The following PDE4D variants were observed in gnomAD, a reference collection of about 807,000 sequenced individuals.
PDE4D encodes the protein 3',5'-cyclic-AMP phosphodiesterase 4D.
In PDE4D, 24 loss-of-function variants were observed where a neutral mutation model predicts 87.4. That is an observed-to-expected ratio of 0.27 (90% CI 0.20 to 0.39). The LOEUF is 0.39. PDE4D is among the 10% of genes least tolerant of loss of function. The pLI is 1.00. For missense variants in PDE4D, 714 were observed against 1,041.0 expected (o/e 0.69, Z 4.32); for synonymous variants, 384 against 383.2 (o/e 1.00, Z -0.02).
At chr5:60,420,200 C>T (rs997004847) in intron 1 of PDE4D, among the ~76,000 whole-genome samples, 2 of 152,208 alleles carry the variant, frequency 1.3e-5, no homozygotes, top group African/African-American at 4.8e-5. Flanking sequence ...ATAAATACTA[C>T]TTTGACACCC....
rs532294431 is a variant in PDE4D at position 59,260,788 on chromosome 5, G to A, written c.456-44820C>T. Reference sequence around the variant, plus strand: ...GACCAAGCATATAAAGCTAAGAGAAGGGAGAGGTTCAAATTAGAAATTAAT... The same window carrying A: ...GACCAAGCATATAAAGCTAAGAGAAAGGAGAGGTTCAAATTAGAAATTAAT... On this transcript the variant is annotated intron_variant, in intron 1 of 14. Coordinates refer to ENST00000340635, the MANE Select transcript of PDE4D (RefSeq NM_001104631.2). 7.9e-5 allele frequency among the ~76,000 whole-genome samples: 12 copies of A among 151,794 alleles called. No homozygotes were observed. In the East Asian group the frequency reaches 1.7e-3, roughly 22 times the overall value.
intron 5 of PDE4D, among the ~76,000 whole-genome samples, chr5:59,162,404 C>A (rs921330402): frequency 1.2e-4 from 14 of 114,050 alleles, no homozygotes; most frequent in Admixed American, 1.1e-3. Context: ...CTAATAAATT[C>A]TTGTTTCTGC....
chr5:60,130,938 G>C (rs1030229011), intron 2 of PDE4D, among the ~76,000 whole-genome samples: 1 of 152,056 alleles, frequency 6.6e-6, no homozygotes, highest in South Asian at 2.1e-4. Context: ...TATAAACAGG[G>C]TTTTCATTTT....
intron 1 of PDE4D, among the ~76,000 whole-genome samples, chr5:60,236,418 A>G (rs1746436143): frequency 1.3e-5 from 2 of 151,942 alleles, no homozygotes; most frequent in Non-Finnish European, 2.9e-5. Context: ...AAACAATCCA[A>G]TTTGAAAATG....
chr5:60,024,572 G>A (rs1766420619), intron 2 of PDE4D, among the ~76,000 whole-genome samples: 1 of 152,132 alleles, frequency 6.6e-6, no homozygotes, highest in African/African-American at 2.4e-5. Flanking sequence ...TTGAAGCATG[G>A]GGTACATCAC....
At chr5:59,062,842 C>T (rs1368930544) in intron 5 of PDE4D, among the ~76,000 whole-genome samples, 1 of 151,788 alleles carries the variant, frequency 6.6e-6, no homozygotes, top group Non-Finnish European at 1.5e-5. Flanking sequence ...TCTTTCCTGC[C>T]ACCCCCACCC....
intron 5 of PDE4D, chr5:59,180,386 A>G (rs759049456): frequency 8.5e-6 from 6 of 706,960 alleles, no homozygotes; most frequent in Non-Finnish European, 1.6e-5. Context: ...AATAATGTAC[A>G]TCAGTAAAAA....
intron 1 of PDE4D, among the ~76,000 whole-genome samples, chr5:59,525,217 A>G (rs554210152): frequency 2.0e-5 from 3 of 152,234 alleles, no homozygotes; most frequent in Non-Finnish European, 4.4e-5. Flanking sequence ...TGTACCCTGA[A>G]AAACCACAGG....
Position 60,338,859 on chromosome 5 carries a change from C to T in PDE4D, c.-90+149083G>A, listed in dbSNP as rs548578589. On this transcript the variant is annotated intron_variant, in intron 1 of 16. Transcript: ENST00000502484. Reference sequence around the variant, plus strand: ...GGAGAGGGGCCTGAATCCCTAGCACCATTAGTATCCAGGGGCTCTATACGA... The same window carrying T: ...GGAGAGGGGCCTGAATCCCTAGCACTATTAGTATCCAGGGGCTCTATACGA... Among the ~76,000 whole-genome samples, 6 of 152,210 alleles carry T rather than the reference C, an allele frequency of 3.9e-5. No individual in the cohort carries two copies. The South Asian group carries it at 1.2e-3, about 32-fold the overall frequency.
chr5:59,110,455 A>G (rs1381754879), intron 5 of PDE4D, among the ~76,000 whole-genome samples: 2 of 152,262 alleles, frequency 1.3e-5, no homozygotes, highest in African/African-American at 4.8e-5. Flanking sequence ...TCCAGCATGT[A>G]CACAGCACAC....
At chr5:60,184,658 T>C (rs1455071351) in intron 2 of PDE4D, among the ~76,000 whole-genome samples, 1 of 152,226 alleles carries the variant, frequency 6.6e-6, no homozygotes, top group Non-Finnish European at 1.5e-5. Context: ...TACTCATGCC[T>C]CACCCTTAAA....
chr5:59,159,889 G>A (rs1213240439), intron 5 of PDE4D, among the ~76,000 whole-genome samples: 1 of 152,106 alleles, frequency 6.6e-6, no homozygotes, highest in East Asian at 1.9e-4. Flanking sequence ...AGACAATATG[G>A]GACAGCAGAT....
At chr5:59,978,663 C>T (rs192342889) in intron 3 of PDE4D, among the ~76,000 whole-genome samples, 1 of 152,284 alleles carries the variant, frequency 6.6e-6, no homozygotes, top group Non-Finnish European at 1.5e-5. Context: ...GGATTGACTC[C>T]AATTTTGAAA....
chr5:60,359,941 C>G (rs1044579104), intron 1 of PDE4D, among the ~76,000 whole-genome samples: 1 of 152,162 alleles, frequency 6.6e-6, no homozygotes, highest in African/African-American at 2.4e-5. Context: ...TTTGTAAATA[C>G]CTTTTGTTAA....
At chr5:59,337,270 T>C (rs932608904) in intron 1 of PDE4D, among the ~76,000 whole-genome samples, 2 of 151,654 alleles carry the variant, frequency 1.3e-5, no homozygotes, top group Admixed American at 6.6e-5. Context: ...TCATGGTTCT[T>C]AAAAAACTTA....
chr5:59,985,206 T>G (rs188571067), intron 3 of PDE4D, among the ~76,000 whole-genome samples: 221 of 146,456 alleles, frequency 1.5e-3, no homozygotes, highest in Admixed American at 3.0e-3. Context: ...TGGCGTAATC[T>G]CGGCTCACTG....
chr5:59,239,622 G>A (rs1388496116), intron 1 of PDE4D, among the ~76,000 whole-genome samples: 1 of 152,138 alleles, frequency 6.6e-6, no homozygotes, highest in African/African-American at 2.4e-5. Context: ...CCTGAAATTT[G>A]TATTTTTATC....
chr5:58,989,809 A>G lies in PDE4D; in HGVS notation c.1398T>C (p.His466=). 1.9e-6 allele frequency: 3 copies of G among 1,611,252 alleles called. No homozygotes were observed. The highest frequency in any genetic ancestry group is 2.5e-6 in the Non-Finnish European group (3 of 1,177,572). The change falls in exon 10 of 15, where the codon CAT becomes CAC. Residue 466 remains histidine (H), a synonymous_variant. Coordinates refer to ENST00000340635, the MANE Select transcript of PDE4D (RefSeq NM_001104631.2). ...GAGTAGACTGGACAACATCTGCAGC[A>G]TGGATATTGTTGTGATAGGCCACAT... The part of the protein sequence containing the change: ...HADVAYHNNI[H]AADVVQSTHV...
intron 1 of PDE4D, among the ~76,000 whole-genome samples, chr5:60,504,459 G>A (rs567899983): frequency 6.6e-6 from 1 of 152,158 alleles, no homozygotes; most frequent in South Asian, 2.1e-4. Flanking sequence ...AGCAGCTCTT[G>A]AGACTTTATT....
Sources: allele counts gnomAD v4.1 joint callset (sites outside exome capture counted in the v4.1 genomes callset), GRCh38; gene constraint gnomAD v4.1.1; transcripts MANE v1.5; gene names NCBI Gene and HGNC (gene_info 2026-07-23, HGNC 2026-07-21).